Variants in GNA11 observed in about 807,000 individuals in gnomAD.
The protein encoded by GNA11 is guanine nucleotide-binding protein subunit alpha-11.
GNA11 carries 8 observed loss-of-function variants against 38.2 expected under a neutral mutation model. The ratio of observed to expected loss-of-function variants is 0.21; its 90% CI spans 0.12 to 0.38. The LOEUF (loss-of-function observed/expected upper bound fraction) is 0.38, where lower values mean the gene tolerates loss of function less well. Ranked by LOEUF, GNA11 falls within the 10% of genes least tolerant of loss-of-function variation. The pLI is 1.00. For missense variants in GNA11, 268 were observed against 516.3 expected, an observed-to-expected ratio of 0.52 and a Z score of 4.66; for synonymous variants, 211 against 221.4, an observed-to-expected ratio of 0.95 and a Z score of 0.42.
rs752162469 is a variant in GNA11, at chr19:3,121,038, C to T, written c.939C>T (p.Phe313=). ...CGCGGGAGTTCATCCTGAAGATGTT[C>T]GTGGACCTGAACCCCGACAGCGACA... ...QAAREFILKM[F]VDLNPDSDKI... is the part of the protein sequence containing the mutation. Residue 313 remains phenylalanine, a synonymous_variant, in exon 7 of 7, where the codon TTC becomes TTT. Transcript: ENST00000078429. The T allele has an allele frequency of 3.6e-5, 58 of 1,613,586 alleles. No individual in the cohort carries two copies. Among genetic ancestry groups the T allele is most frequent in the South Asian group, 4.4e-5 (4 of 91,082 alleles).
At position 3,110,428 on chromosome 19, in the gene GNA11, G is replaced by A. The variant is rs1472217570; in HGVS notation, c.321+95G>A. The A allele has an allele frequency of 1.1e-5, 11 of 1,040,564 alleles. No homozygotes were observed. In the Admixed American group the frequency reaches 2.4e-4, roughly 23 times the overall value. The allele number at this position is 1,040,564 out of a possible 1,614,324, so 64.5% of individuals were successfully genotyped here. ...GCGCTGCCAGGGTGGGGCCATGCCG[G>A]GGGTCCCGGCCGGCCCAGGCTACCC... On this transcript the variant is annotated intron_variant, in intron 2 of 6. Transcript: ENST00000078429. This position sits in a 1 kb window ranked among gnomAD's most constrained non-coding sequence, Gnocchi z 5.4.
chr19:3,102,427 C>G (rs1913527693), intron 1 of GNA11, among the ~76,000 whole-genome samples: 1 of 152,246 alleles, frequency 6.6e-6, no homozygotes, highest in Admixed American at 6.5e-5. Context: ...TGAGCCTCAG[C>G]AGCGGGGTGA....
chr19:3,109,774 G>A (rs1403550384), intron 1 of GNA11, among the ~76,000 whole-genome samples: 1 of 152,258 alleles, frequency 6.6e-6, no homozygotes, highest in Non-Finnish European at 1.5e-5. Context: ...CATTGGTCAT[G>A]AACTGGCGTG....
Position 3,120,977 on chromosome 19 carries a change from G to T in GNA11, c.890-12G>T. On this transcript the variant is annotated splice_polypyrimidine_tract_variant and intron_variant, in intron 6 of 6. Coordinates refer to ENST00000078429, the MANE Select transcript of GNA11 (RefSeq NM_002067.5). The surrounding 1 kb of genome is among the most constrained non-coding windows in gnomAD (Gnocchi z 5.9). ...GGGCTGGGGCACAGCCTCACCCTCTGCCCTCCCCCAGGTCCCCAGCGGGAC... is the reference window on the plus strand; with the variant it reads ...GGGCTGGGGCACAGCCTCACCCTCTTCCCTCCCCCAGGTCCCCAGCGGGAC... 6.2e-7 allele frequency: 1 copy of T among 1,601,640 alleles called. No homozygotes were observed.
chr19:3,117,238 C>G (rs141147924), intron 4 of GNA11: 8 of 152,380 alleles, frequency 5.3e-5, no homozygotes, highest in African/African-American at 1.9e-4. Context: ...CATGAATGTC[C>G]CCTCACAGCC....
At position 3,120,900 on chromosome 19, in the gene GNA11, C is replaced by T. The variant is rs370882538; in HGVS notation, c.890-89C>T. 318 of 975,942 alleles carry T rather than the reference C, an allele frequency of 3.3e-4. 1 individual carries two copies. In the African/African-American group the frequency reaches 4.4e-3, roughly 14 times the overall value. The allele number at this position is 975,942 out of a possible 1,614,324, so 60.5% of individuals were successfully genotyped here. On this transcript the variant is annotated intron_variant, in intron 6 of 6. Coordinates refer to ENST00000078429, the MANE Select transcript of GNA11 (RefSeq NM_002067.5). This position sits in a 1 kb window ranked among gnomAD's most constrained non-coding sequence, Gnocchi z 5.9. ...AGCTGGGTGGGCCGTGGGCCTTACTCGCTCATCCCCTGGGAGTGACAAAGG... is the reference window on the plus strand; with the variant it reads ...AGCTGGGTGGGCCGTGGGCCTTACTTGCTCATCCCCTGGGAGTGACAAAGG...
At chr19:3,096,488 C>T (rs1034447626) in intron 1 of GNA11, among the ~76,000 whole-genome samples, 2 of 152,174 alleles carry the variant, frequency 1.3e-5, no homozygotes, top group Non-Finnish European at 2.9e-5. Context: ...ACCTCCAGAA[C>T]CCCCGCCGCC....
chr19:3,113,557 C>T, intron 3 of GNA11, 73 bp downstream of exon 3: 1 of 1,207,990 alleles, frequency 8.3e-7, no homozygotes, highest in African/African-American at 1.6e-5. Context: ...TTCGGGAAGG[C>T]CTCCGCGGCG....
intron 4 of GNA11, chr19:3,115,479 A>G (rs1354757474): frequency 6.2e-6 from 1 of 162,240 alleles, no homozygotes; most frequent in Non-Finnish European, 1.3e-5. Flanking sequence ...GATAAGATTT[A>G]TCTCTAAGTA....
intron 2 of GNA11, 22 bp from the exon 3 acceptor site, chr19:3,113,308 T>A: frequency 1.2e-6 from 2 of 1,609,032 alleles, no homozygotes; most frequent in Non-Finnish European, 1.7e-6. Flanking sequence ...GCTCTCGACG[T>A]CTCCCCTGCC....
chr19:3,097,668 G>A (rs941450608), intron 1 of GNA11, among the ~76,000 whole-genome samples: 2 of 152,186 alleles, frequency 1.3e-5, no homozygotes, highest in African/African-American at 2.4e-5. Flanking sequence ...TTTTCGGGGT[G>A]GGGGGGACCT....
chr19:3,112,718 A>G (rs1306735051), intron 2 of GNA11, among the ~76,000 whole-genome samples: 1 of 152,256 alleles, frequency 6.6e-6, no homozygotes, highest in African/African-American at 2.4e-5. Context: ...TGAGTGCGGC[A>G]GCTCGGGGGC....
chr19:3,099,373 C>T (rs1195982524), intron 1 of GNA11, among the ~76,000 whole-genome samples: 2 of 152,136 alleles, frequency 1.3e-5, no homozygotes, highest in African/African-American at 2.4e-5. Flanking sequence ...GCGGTGGATG[C>T]GATTAGGGGC....
In GNA11 at chr19:3,103,519, C is replaced by CT. The variant is rs760497682; in HGVS notation, c.137-6599dup. Among the ~76,000 whole-genome samples, 160 of 45,816 alleles carry CT rather than the reference C, an allele frequency of 3.5e-3. 17 individuals are homozygous for CT. Among genetic ancestry groups the CT allele is most frequent in the Middle Eastern group, 0.036 (1 of 28 alleles). The allele number at this position is 45,816 out of a possible 152,430, so 30.1% of individuals were successfully genotyped here. ...TGAGCCACTGCGCCCGGCCTTGAATCTTTTTTTTTTTTTTTTTTTTTTTTT... is the reference window on the plus strand; with the variant it reads ...TGAGCCACTGCGCCCGGCCTTGAATCTTTTTTTTTTTTTTTTTTTTTTTTTT... On this transcript the variant is annotated intron_variant, in intron 1 of 6. Transcript: ENST00000078429.
intron 1 of GNA11, among the ~76,000 whole-genome samples, chr19:3,102,595 G>A (rs1184132849): frequency 2.6e-5 from 4 of 152,194 alleles, no homozygotes; most frequent in Non-Finnish European, 4.4e-5. Flanking sequence ...ATTAGGGGTC[G>A]TGTGACTTCA....
In GNA11 at chr19:3,119,490, T is replaced by C; in HGVS notation, c.889+131T>C. ...GGCGTCTGATGGGAGGTGTCATGTA[T>C]GGGAGTGGAGTCTCAGGGAAGGGAG... On this transcript the variant is annotated intron_variant, in intron 6 of 6. Transcript: ENST00000078429. The surrounding 1 kb of genome is among the most constrained non-coding windows in gnomAD (Gnocchi z 4.6). 2.9e-6 allele frequency: 2 copies of C among 698,650 alleles called. No individual in the cohort carries two copies. Among genetic ancestry groups the C allele is most frequent in the Admixed American group, 2.9e-5 (1 of 34,104 alleles). The allele number at this position is 698,650 out of a possible 1,614,324, so 43.3% of individuals were successfully genotyped here.
intron 4 of GNA11, among the ~76,000 whole-genome samples, chr19:3,116,064 C>T (rs916511053): frequency 2.1e-4 from 32 of 151,890 alleles, no homozygotes; most frequent in African/African-American, 6.3e-4. Context: ...CTGTTCTTCA[C>T]GGGCTGCCCC....
At chr19:3,100,024 C>T (rs768300959) in intron 1 of GNA11, among the ~76,000 whole-genome samples, 11 of 152,210 alleles carry the variant, frequency 7.2e-5, no homozygotes, top group East Asian at 1.9e-4. Flanking sequence ...CTGCTGCTTC[C>T]GCTGCCGGTG....
Position 3,123,127 on chromosome 19 carries a change from C to T in GNA11, c.*1948C>T, listed in dbSNP as rs562673859. The stretch of plus-strand genomic sequence containing the variant: ...GGGCCGCTACAACCTTTTCCAGCAG[C>T]GGAGCCCTCTGGGGGGCCTGTGCTT... On this transcript the variant is annotated 3_prime_UTR_variant, in exon 7 of 7. Coordinates refer to ENST00000078429, the MANE Select transcript of GNA11 (RefSeq NM_002067.5). The T allele has an allele frequency of 5.1e-5, 12 of 233,062 alleles. No homozygotes were observed. Among genetic ancestry groups the T allele is most frequent in the East Asian group, 1.2e-4 (2 of 16,578 alleles). 14.4% of individuals were successfully genotyped at this position (233,062 alleles called of 1,614,324 possible). A position where few individuals can be genotyped will look rare whatever the true frequency, so the allele number is the denominator to read the frequency against.
Sources: gnomAD v4.1 joint callset for allele counts (sites outside exome capture counted in the v4.1 genomes callset) on GRCh38, gnomAD v4.1.1 for gene constraint, Gnocchi (gnomAD v3.1) non-coding constraint, MANE v1.5 for transcripts, NCBI Gene and HGNC (gene_info 2026-07-23, HGNC 2026-07-21) for gene names.